The following MERTK variants were observed in gnomAD, a reference collection of about 807,000 sequenced individuals.
MERTK encodes the protein tyrosine-protein kinase Mer.
Under a neutral mutation model 99.3 loss-of-function variants are expected in MERTK, and 69 were observed. That is an observed-to-expected ratio of 0.70 (90% CI 0.57 to 0.85). The LOEUF (loss-of-function observed/expected upper bound fraction) is 0.85, where lower values mean the gene tolerates loss of function less well. Among genes scored for constraint, MERTK ranks in the 40% least tolerant of loss-of-function variants. MERTK has a pLI of 0.00. For missense variants in MERTK, 1,125 were observed against 1,249.4 expected, an observed-to-expected ratio of 0.90 and a Z score of 1.50; for synonymous variants, 426 against 467.6, an observed-to-expected ratio of 0.91 and a Z score of 1.15.
At chr2:111,965,091 A>G (rs1469551444) in intron 4 of MERTK, 100 bp from the exon 5 acceptor site, 6 of 1,197,692 alleles carry the variant, frequency 5.0e-6, no homozygotes, top group Admixed American at 3.7e-5. Flanking sequence ...CCCAAAAGCC[A>G]TGAACCAAGA....
chr2:111,972,254 A>G lies in MERTK; in HGVS notation c.961-3035A>G, dbSNP rs903214957. Among the ~76,000 whole-genome samples, 42 of 152,118 alleles carry G rather than the reference A, an allele frequency of 2.8e-4. 2 individuals carry two copies. The highest frequency in any genetic ancestry group is 2.9e-5 in the Non-Finnish European group (2 of 68,020). Reference sequence around the variant, plus strand: ...CCATGTCACCCAGGCTGAGGTAGACATTTATATACATGGACATAACTGAAG... The same window carrying G: ...CCATGTCACCCAGGCTGAGGTAGACGTTTATATACATGGACATAACTGAAG... On this transcript the variant is annotated intron_variant, in intron 6 of 18. Coordinates refer to ENST00000295408, the MANE Select transcript of MERTK (RefSeq NM_006343.3).
At position 112,009,964 on chromosome 2, in the gene MERTK, G is replaced by A; in HGVS notation, c.1977G>A (p.Met659Ile). The change falls in exon 15 of 19, where the codon ATG becomes ATA. Residue 659 changes from methionine to isoleucine, a missense_variant. Met to Ile is a conservative substitution (Grantham distance 10). Coordinates refer to ENST00000295408, the MANE Select transcript of MERTK (RefSeq NM_006343.3). Reference protein sequence around the residue: ...VIRLLGVCIEMSSQGIPKPMV... With the variant: ...VIRLLGVCIEISSQGIPKPMV... ...TAATTTCAGGTGTGTGTATAGAAATGAGCTCTCAAGGCATCCCAAAGCCCA... is the reference window on the plus strand; with the variant it reads ...TAATTTCAGGTGTGTGTATAGAAATAAGCTCTCAAGGCATCCCAAAGCCCA... The A allele has an allele frequency of 5.6e-6, 9 of 1,612,320 alleles. No homozygotes were observed. The highest frequency in any genetic ancestry group is 1.3e-5 in the African/African-American group (1 of 74,942).
chr2:111,988,673 TG>T (rs756266759), intron 8 of MERTK, among the ~76,000 whole-genome samples: 1 of 152,214 alleles, frequency 6.6e-6, no homozygotes, highest in Non-Finnish European at 1.5e-5. Flanking sequence ...AGGCCAGGCG[TG>T]GTGGCTCACG....
chr2:111,992,249 T>A (rs1676635340), intron 8 of MERTK, among the ~76,000 whole-genome samples: 1 of 152,094 alleles, frequency 6.6e-6, no homozygotes, highest in South Asian at 2.1e-4. Flanking sequence ...TTTTGTCCAA[T>A]CACAGTTCTA....
chr2:111,942,114 T>G (rs1684876006), intron 2 of MERTK, among the ~76,000 whole-genome samples: 1 of 152,188 alleles, frequency 6.6e-6, no homozygotes, highest in African/African-American at 2.4e-5. Context: ...GGTCCCTGTC[T>G]CCCTGAGTCC....
intron 1 of MERTK, among the ~76,000 whole-genome samples, chr2:111,911,689 CTTTTTTTTTTTTTTT>C (rs34867670): frequency 3.5e-5 from 2 of 57,698 alleles, no homozygotes; most frequent in African/African-American, 7.9e-5. Flanking sequence ...AGCGCCCAGC[CTTTTTTTTTTTTTTT>C]TTTTTTTTTT....
chr2:111,943,128 C>G (rs1000071014), intron 2 of MERTK, among the ~76,000 whole-genome samples: 3 of 152,184 alleles, frequency 2.0e-5, no homozygotes, highest in African/African-American at 7.2e-5. Context: ...ATGGAGCCCC[C>G]TCTACCCTTG....
At chr2:111,914,126 G>A (rs1301297256) in intron 1 of MERTK, among the ~76,000 whole-genome samples, 1 of 50,744 alleles carries the variant, frequency 2.0e-5, no homozygotes, top group East Asian at 4.5e-4. Flanking sequence ...TTTTTTTTGA[G>A]ATGGAGTCTC....
chr2:111,981,817 C>G (rs1676379145), intron 7 of MERTK, among the ~76,000 whole-genome samples: 3 of 152,106 alleles, frequency 2.0e-5, no homozygotes, highest in Non-Finnish European at 4.4e-5. Context: ...AGTAACTTGC[C>G]TCTGGACTTT....
intron 2 of MERTK, among the ~76,000 whole-genome samples, chr2:111,933,871 G>GC (rs942364059): frequency 1.2e-4 from 6 of 51,240 alleles, no homozygotes; most frequent in Admixed American, 2.2e-4. Context: ...CCCTCCCCCA[G>GC]CCCCCCCACC....
Position 111,965,215 on chromosome 2 carries a change from G to T in MERTK, c.782G>T (p.Ser261Ile), listed in dbSNP as rs142284609. The T allele has an allele frequency of 6.2e-7, 1 of 1,614,238 alleles. No homozygotes were observed. The highest frequency in any genetic ancestry group is 1.1e-5 in the South Asian group (1 of 91,082). The change falls in exon 5 of 19, where the codon AGT becomes ATT. Residue 261 changes from serine (S) to isoleucine (I), a missense_variant. Transcript: ENST00000295408. ...GGCCTGACGGAGATGGCGGTCTTCA[G>T]TTGTGAGGCCCACAATGACAAAGGG... The part of the protein sequence containing the change: ...VPGLTEMAVF[S>I]CEAHNDKGLT...
chr2:112,007,472 C>T (rs559138605), intron 13 of MERTK, among the ~76,000 whole-genome samples: 2 of 152,156 alleles, frequency 1.3e-5, no homozygotes, highest in Non-Finnish European at 2.9e-5. Context: ...TTTCATCTTG[C>T]AAAACTGAAC....
At chr2:111,975,233 C>T in intron 6 of MERTK, 56 bp from the exon 7 acceptor site, 2 of 1,568,714 alleles carry the variant, frequency 1.3e-6, no homozygotes, top group Non-Finnish European at 1.8e-6. Context: ...AGGCCCCGTG[C>T]CTGACATTCC....
rs1353252600 is a variant in MERTK at position 111,994,378 on chromosome 2, C to T, written c.1424C>T (p.Pro475Leu). 4 of 1,614,018 alleles carry T rather than the reference C, an allele frequency of 2.5e-6. No individual in the cohort carries two copies. Among genetic ancestry groups the T allele is most frequent in the African/African-American group, 1.3e-5 (1 of 74,884 alleles). Residue 475 changes from proline to leucine, a missense_variant, in exon 9 of 19, where the codon CCA becomes CTA. Physicochemically the swap from Pro to Leu is moderately conservative, Grantham distance 98. Transcript: ENST00000295408. ...GGGGGAGTTGGGCCCTTCAGTGATC[C>T]AGTGAAAATATTTATCCCTGCACAC... Reference protein sequence around the residue: ...TRGGVGPFSDPVKIFIPAHGW... With the variant: ...TRGGVGPFSDLVKIFIPAHGW...
Position 111,898,702 on chromosome 2 carries a change from G to A in MERTK, c.-34G>A, listed in dbSNP as rs141412373. The stretch of plus-strand genomic sequence containing the variant: ...GTTCGGGACGTCCATCTGTCCATCC[G>A]TCCGGAGAGAAATTACAGATCCGCA... On this transcript the variant is annotated 5_prime_UTR_variant, in exon 1 of 19. Coordinates refer to ENST00000295408, the MANE Select transcript of MERTK (RefSeq NM_006343.3). 3.1e-3 allele frequency: 4,919 copies of A among 1,599,686 alleles called. 135 individuals carry two copies. The African/African-American group carries it at 0.058, about 19-fold the overall frequency.
At chr2:111,980,061 G>A (rs143641069) in intron 7 of MERTK, among the ~76,000 whole-genome samples, 1 of 152,230 alleles carries the variant, frequency 6.6e-6, no homozygotes, top group East Asian at 1.9e-4. Context: ...TAAGTGTTTT[G>A]ATCTAGATAC....
rs1375856782 is a variant in MERTK, at chr2:111,898,608, C to A, written c.-128C>A. ...TCCCGCCGGCCGCTTGGCTCCGCCA[C>A]TCGGCACTCACTGCCCGGGCCGCCC... is the stretch of plus-strand genomic sequence containing the variant. On this transcript the variant is annotated 5_prime_UTR_variant, in exon 1 of 19. Coordinates refer to ENST00000295408, the MANE Select transcript of MERTK (RefSeq NM_006343.3). The A allele has an allele frequency of 2.6e-6, 3 of 1,134,498 alleles. No individual in the cohort carries two copies. The highest frequency in any genetic ancestry group is 3.9e-6 in the Non-Finnish European group (3 of 777,394). 70.3% of individuals were successfully genotyped at this position (1,134,498 alleles called of 1,614,324 possible).
intron 6 of MERTK, 87 bp downstream of exon 6, chr2:111,968,339 A>G: frequency 9.4e-7 from 1 of 1,063,644 alleles, no homozygotes; most frequent in Non-Finnish European, 1.5e-6. Flanking sequence ...ATGGGCATGG[A>G]GGGCATTTCT....
rs770119736 is a variant in MERTK at position 112,028,308 on chromosome 2, G to A, written c.2487-43G>A. 6 of 1,578,446 alleles carry A rather than the reference G, an allele frequency of 3.8e-6. No individual in the cohort carries two copies. The South Asian group carries it at 5.5e-5, about 15-fold the overall frequency. The stretch of plus-strand genomic sequence containing the variant: ...AAAGGCATGGATTGCACAAAGAGAT[G>A]GGTGCCATGCTGGGAGACAATCCAC... On this transcript the variant is annotated intron_variant, in intron 18 of 18. Transcript: ENST00000295408.
Sources: allele counts gnomAD v4.1 joint callset (sites outside exome capture counted in the v4.1 genomes callset), GRCh38; gene constraint gnomAD v4.1.1; transcripts MANE v1.5; gene names NCBI Gene and HGNC (gene_info 2026-07-23, HGNC 2026-07-21).